Variants in LRBA observed in about 807,000 individuals in gnomAD.
LRBA encodes lipopolysaccharide-responsive and beige-like anchor protein.
LRBA carries 176 observed loss-of-function variants against 330.0 expected under a neutral mutation model. The ratio of observed to expected loss-of-function variants is 0.53; its 90% confidence interval spans 0.47 to 0.60. LRBA has a LOEUF of 0.60. Ranked by LOEUF, LRBA falls within the 20% of genes least tolerant of loss-of-function variation. The pLI is 0.00. For synonymous variants in LRBA, 1,230 were observed against 1,193.0 expected (o/e 1.03, Z -0.64); for missense variants, 3,259 against 3,444.8 (o/e 0.95, Z 1.35).
At chr4:150,661,078 TAAAAAAAAAAA>T (rs559512113) in intron 37 of LRBA, among the ~76,000 whole-genome samples, 2 of 102,624 alleles carry the variant, frequency 1.9e-5, no homozygotes, top group Non-Finnish European at 3.9e-5. Context: ...AAAAATAAAT[TAAAAAAAAAAA>T]AAAAAAAAAA....
At chr4:150,421,154 A>ATATAAAGTATATATAATATACATTATAT (rs1216533812) in intron 46 of LRBA, among the ~76,000 whole-genome samples, 27 of 107,584 alleles carry the variant, frequency 2.5e-4, no homozygotes, top group Non-Finnish European at 4.2e-4. Context: ...ACATTATATT[A>ATATAAAGTATATATAATATACATTATAT]TATATAAAGT....
intron 31 of LRBA, 120 bp from the exon 32 acceptor site, chr4:150,808,518 C>G: frequency 3.3e-6 from 2 of 597,680 alleles, no homozygotes; most frequent in East Asian, 2.8e-5. Context: ...ATGTCCATTA[C>G]TATTTGGATA....
intron 37 of LRBA, among the ~76,000 whole-genome samples, chr4:150,647,352 CTTTTT>C (rs769403201): frequency 2.9e-4 from 23 of 79,828 alleles, no homozygotes; most frequent in South Asian, 1.8e-3. Context: ...ATTACTTTTT[CTTTTT>C]TTTTTTTTTT....
chr4:150,659,058 G>A (rs1213994407), intron 37 of LRBA, among the ~76,000 whole-genome samples: 15 of 133,142 alleles, frequency 1.1e-4, no homozygotes, highest in East Asian at 4.9e-4. Context: ...GCGTGATCTC[G>A]GCTCACTACA....
At chr4:150,540,068 A>G in intron 40 of LRBA, among the ~76,000 whole-genome samples, 1 of 152,194 alleles carries the variant, frequency 6.6e-6, no homozygotes, top group East Asian at 1.9e-4. Flanking sequence ...ACTTTCCGTT[A>G]TATGTCTTGC....
intron 2 of LRBA, among the ~76,000 whole-genome samples, chr4:150,973,144 C>CTGTT (rs1393462609): frequency 1.6e-5 from 2 of 128,162 alleles, no homozygotes; most frequent in East Asian, 2.4e-4. Context: ...AATATTTTGT[C>CTGTT]TGTCTGTTTG....
At chr4:150,871,624 A>C (rs999144361) in intron 18 of LRBA, among the ~76,000 whole-genome samples, 171 bp from the exon 19 acceptor site, 5 of 152,190 alleles carry the variant, frequency 3.3e-5, no homozygotes, top group Admixed American at 2.6e-4. Context: ...CAAAACCTTT[A>C]AGCAGAGAAA....
chr4:150,681,349 T>A (rs1256424026), intron 37 of LRBA, among the ~76,000 whole-genome samples: 1 of 152,212 alleles, frequency 6.6e-6, no homozygotes, highest in Non-Finnish European at 1.5e-5. Context: ...ACTGTCAAAG[T>A]ATGGTGAGCC....
At chr4:150,447,463 T>C (rs1752754596) in intron 44 of LRBA, among the ~76,000 whole-genome samples, 1 of 152,168 alleles carries the variant, frequency 6.6e-6, no homozygotes, top group Non-Finnish European at 1.5e-5. Context: ...TCATCTCATC[T>C]TTTCCTGTTG....
At chr4:150,554,163 T>G in intron 40 of LRBA, among the ~76,000 whole-genome samples, 1 of 152,178 alleles carries the variant, frequency 6.6e-6, no homozygotes, top group African/African-American at 2.4e-5. Flanking sequence ...AAGAGCCTCC[T>G]CTCCTTTCTG....
At chr4:150,652,018 A>AT (rs1307704848) in intron 37 of LRBA, among the ~76,000 whole-genome samples, 1 of 152,024 alleles carries the variant, frequency 6.6e-6, no homozygotes, top group Non-Finnish European at 1.5e-5. Flanking sequence ...TAATTTTTGT[A>AT]TTTTTTGTAG....
chr4:150,464,268 G>GTCA (rs1182026470), intron 44 of LRBA, among the ~76,000 whole-genome samples: 1 of 152,002 alleles, frequency 6.6e-6, no homozygotes, highest in Non-Finnish European at 1.5e-5. Flanking sequence ...TCATATATAT[G>GTCA]TCATTCATTT....
intron 43 of LRBA, 65 bp from the exon 44 acceptor site, chr4:150,467,850 A>G: frequency 2.9e-6 from 2 of 701,288 alleles, no homozygotes; most frequent in Non-Finnish European, 4.7e-6. Context: ...ATTCAGTAAT[A>G]TAATTTACTA....
intron 16 of LRBA, 82 bp downstream of exon 16, chr4:150,896,312 G>T: frequency 1.4e-6 from 1 of 706,448 alleles, no homozygotes. Context: ...AATTACTGAA[G>T]ATTTCTTTAA....
At chr4:150,698,159 C>T (rs1431507874) in intron 36 of LRBA, among the ~76,000 whole-genome samples, 1 of 152,040 alleles carries the variant, frequency 6.6e-6, no homozygotes, top group African/African-American at 2.4e-5. Context: ...AGCCAATATT[C>T]TAAGTGCACA....
At position 150,286,003 on chromosome 4, in the gene LRBA, G is replaced by T; in HGVS notation, c.8049C>A (p.Thr2683=). 1.3e-6 allele frequency: 2 copies of T among 1,587,882 alleles called. No homozygotes were observed. Among genetic ancestry groups the T allele is most frequent in the East Asian group, 2.3e-5 (1 of 43,656 alleles). Residue 2683 remains threonine, a synonymous_variant, in exon 54 of 57, where the codon ACC becomes ACA. Transcript: ENST00000651943. ...SETAAPRAIL[T]GHDYEVTCAA... Reference sequence around the variant, plus strand: ...CACATGTGACCTCATAGTCATGGCCGGTCAAAATGGCCCGAGGAGCAGCAG... The same window carrying T: ...CACATGTGACCTCATAGTCATGGCCTGTCAAAATGGCCCGAGGAGCAGCAG...
chr4:150,315,463 A>G, intron 51 of LRBA, 98 bp downstream of exon 51: 1 of 1,015,782 alleles, frequency 9.8e-7, no homozygotes, highest in South Asian at 1.3e-5. Context: ...GGAAAATTCC[A>G]TTCCCAGCAA....
chr4:150,470,576 A>AT (rs1755976285), intron 43 of LRBA, among the ~76,000 whole-genome samples: 1 of 152,062 alleles, frequency 6.6e-6, no homozygotes, highest in African/African-American at 2.4e-5. Context: ...AAAAACTCTG[A>AT]TACCTTAACT....
intron 37 of LRBA, among the ~76,000 whole-genome samples, chr4:150,644,666 G>C (rs939937585): frequency 4.6e-5 from 7 of 151,940 alleles, no homozygotes; most frequent in African/African-American, 1.4e-4. Flanking sequence ...TTCCATTGTT[G>C]TTTATTCAAG....
Sources: gnomAD v4.1 joint callset for allele counts (sites outside exome capture counted in the v4.1 genomes callset) on GRCh38, gnomAD v4.1.1 for gene constraint, MANE v1.5 for transcripts, NCBI Gene and HGNC (gene_info 2026-07-23, HGNC 2026-07-21) for gene names.